SCMH1: variants seen among roughly 807,000 people sequenced by gnomAD.
SCMH1 encodes Scm polycomb group protein homolog 1.
Under a neutral mutation model 70.8 loss-of-function variants are expected in SCMH1, and 37 were observed. The observed-to-expected ratio is 0.52, with a 90% CI of 0.40 to 0.69. The LOEUF (loss-of-function observed/expected upper bound fraction) is 0.69. SCMH1 is among the 30% of genes least tolerant of loss of function. The pLI is 0.00. For missense variants in SCMH1, 607 were observed against 827.3 expected, an observed-to-expected ratio of 0.73 and a Z score of 3.27; for synonymous variants, 292 against 307.4, an observed-to-expected ratio of 0.95 and a Z score of 0.52.
chr1:41,127,895 G>T (rs998998978), intron 6 of SCMH1, among the ~76,000 whole-genome samples: 1 of 152,020 alleles, frequency 6.6e-6, no homozygotes, highest in African/African-American at 2.4e-5. Flanking sequence ...ATCAACCCCT[G>T]CCAGAACCTT....
At chr1:41,117,613 T>C (rs1670838550) in intron 6 of SCMH1, among the ~76,000 whole-genome samples, 1 of 152,238 alleles carries the variant, frequency 6.6e-6, no homozygotes. Flanking sequence ...CTCCCTGTGA[T>C]GCTGTGCTTC....
intron 8 of SCMH1, among the ~76,000 whole-genome samples, chr1:41,100,833 G>C (rs1666422981): frequency 6.6e-6 from 1 of 151,986 alleles, no homozygotes. Context: ...CAAAGTGCTG[G>C]GATTACAAGC....
intron 8 of SCMH1, among the ~76,000 whole-genome samples, chr1:41,100,301 C>T (rs1006697193): frequency 6.6e-6 from 1 of 151,894 alleles, no homozygotes; most frequent in East Asian, 1.9e-4. Flanking sequence ...AGTGAGATCT[C>T]GTCTCTAACA....
chr1:41,075,572 G>A (rs550406589), intron 8 of SCMH1, 121 bp from the exon 9 acceptor site: 3 of 734,996 alleles, frequency 4.1e-6, no homozygotes, highest in African/African-American at 3.5e-5. Flanking sequence ...CTGGTTTCCT[G>A]GCATTTGACC....
intron 1 of SCMH1, among the ~76,000 whole-genome samples, chr1:41,199,001 G>C (rs1349339213): frequency 6.6e-6 from 1 of 152,048 alleles, no homozygotes; most frequent in African/African-American, 2.4e-5. Flanking sequence ...TATAAAACTG[G>C]AATTAGGAAA....
chr1:41,189,172 G>A (rs1265017036), intron 1 of SCMH1, among the ~76,000 whole-genome samples: 2 of 152,052 alleles, frequency 1.3e-5, no homozygotes, highest in African/African-American at 2.4e-5. Flanking sequence ...GTTTTGAGAC[G>A]GAGTTTCACT....
chr1:41,161,400 A>G, exon 3 of SCMH1: 1 of 1,550,510 alleles, frequency 6.4e-7, no homozygotes, highest in Non-Finnish European at 8.7e-7. Flanking sequence ...AGGTGACCAT[A>G]TTTGTGTTTT....
chr1:41,141,990 T>C (rs976069695), intron 6 of SCMH1, among the ~76,000 whole-genome samples: 5 of 152,230 alleles, frequency 3.3e-5, no homozygotes, highest in Admixed American at 3.3e-4. Flanking sequence ...AATCATGCTA[T>C]GTTTAACAAT....
In SCMH1 at chr1:41,091,980, T is replaced by C. The variant is rs1226139744; in HGVS notation, c.746-16529A>G. On this transcript the variant is annotated intron_variant, in intron 8 of 14. Transcript: ENST00000337495. ...CTTTACAGATTCAATGCCATCCCCATCAAGCTACCAATGACTTTCTTCACA... is the reference window on the plus strand; with the variant it reads ...CTTTACAGATTCAATGCCATCCCCACCAAGCTACCAATGACTTTCTTCACA... 1.8e-4 allele frequency among the ~76,000 whole-genome samples: 27 copies of C among 152,234 alleles called. 1 individual carries two copies. The highest frequency in any genetic ancestry group is 6.3e-4 in the African/African-American group (26 of 41,538).
intron 1 of SCMH1, among the ~76,000 whole-genome samples, chr1:41,192,781 T>C (rs780826388): frequency 3.3e-5 from 5 of 152,194 alleles, no homozygotes; most frequent in Non-Finnish European, 7.4e-5. Context: ...TTACCTAGCA[T>C]ACCTACTACT....
At chr1:41,090,505 T>C (rs1039836097) in intron 8 of SCMH1, among the ~76,000 whole-genome samples, 12 of 152,094 alleles carry the variant, frequency 7.9e-5, no homozygotes, top group Non-Finnish European at 1.5e-4. Flanking sequence ...TTTCAGGTAA[T>C]TGTGGATATT....
intron 2 of SCMH1, 112 bp from the exon 3 acceptor site, chr1:41,161,544 T>A (rs1366470149): frequency 8.2e-7 from 1 of 1,218,566 alleles, no homozygotes; most frequent in Non-Finnish European, 1.1e-6. Flanking sequence ...CTTCCGAGAT[T>A]CTATGCTAAG....
chr1:41,029,370 T>C (rs1294115855), intron 13 of SCMH1, among the ~76,000 whole-genome samples: 1 of 152,140 alleles, frequency 6.6e-6, no homozygotes, highest in East Asian at 1.9e-4. Context: ...GCAGTAATTT[T>C]TGTATTATTA....
chr1:41,031,744 A>G (rs1467989808), intron 13 of SCMH1, among the ~76,000 whole-genome samples: 1 of 152,208 alleles, frequency 6.6e-6, no homozygotes, highest in Non-Finnish European at 1.5e-5. Flanking sequence ...GAGAGTGTAT[A>G]TGCAAGAATG....
chr1:41,094,219 G>C (rs1664460326), intron 8 of SCMH1, among the ~76,000 whole-genome samples: 1 of 152,136 alleles, frequency 6.6e-6, no homozygotes, highest in Non-Finnish European at 1.5e-5. Flanking sequence ...AGTGAACTTG[G>C]CTTATGCCCG....
At chr1:41,055,040 T>C (rs7525193) in intron 10 of SCMH1, among the ~76,000 whole-genome samples, 129,392 of 152,122 alleles carry the variant, frequency 0.85, 55,527 homozygotes, top group East Asian at 0.97. Flanking sequence ...ACCTTGGCCT[T>C]CCAAAGTGCT....
At chr1:41,091,357 A>C (rs1663436301) in intron 8 of SCMH1, among the ~76,000 whole-genome samples, 1 of 152,210 alleles carries the variant, frequency 6.6e-6, no homozygotes, top group Non-Finnish European at 1.5e-5. Flanking sequence ...AAAAACTCTC[A>C]ATAAACTAGG....
Position 41,228,918 on chromosome 1 carries a change from T to C in SCMH1, c.-118+13141A>G, listed in dbSNP as rs147019489. ...AATTCAGAAGAGAGATGACAGAAGCTTGGACCAGGTTGGTGGCAGTTAAGA... is the reference window on the plus strand; with the variant it reads ...AATTCAGAAGAGAGATGACAGAAGCCTGGACCAGGTTGGTGGCAGTTAAGA... On this transcript the variant is annotated intron_variant, in intron 1 of 14. Coordinates refer to ENST00000337495, the Ensembl canonical transcript of SCMH1. Among the ~76,000 whole-genome samples the C allele has an allele frequency of 6.1e-3, 924 of 151,990 alleles. 14 individuals carry two copies. The highest frequency in any genetic ancestry group is 0.021 in the African/African-American group (883 of 41,480).
chr1:41,089,242 T>C (rs1662614887), intron 8 of SCMH1, among the ~76,000 whole-genome samples: 1 of 152,238 alleles, frequency 6.6e-6, no homozygotes, highest in African/African-American at 2.4e-5. Context: ...AATTTCCCAC[T>C]TGAAAATCTA....
Sources: allele counts gnomAD v4.1 joint callset (sites outside exome capture counted in the v4.1 genomes callset), GRCh38; gene constraint gnomAD v4.1.1; transcripts MANE v1.5; gene names NCBI Gene and HGNC (gene_info 2026-07-23, HGNC 2026-07-21).